The following FANCI variants were observed in gnomAD, a reference collection of about 807,000 sequenced individuals.
FANCI encodes Fanconi anemia group I protein.
Under a neutral mutation model 176.1 loss-of-function variants are expected in FANCI, and 156 were observed. The ratio of observed to expected loss-of-function variants is 0.89; its 90% CI spans 0.78 to 1.01. The LOEUF (loss-of-function observed/expected upper bound fraction) is 1.01. Ranked by LOEUF, FANCI falls within the 50% of genes least tolerant of loss-of-function variation. The pLI, the probability that FANCI is intolerant of heterozygous loss-of-function variation, is 0.00. For synonymous variants in FANCI, 613 were observed against 541.7 expected (o/e 1.13, Z -1.83); for missense variants, 1,678 against 1,534.1 (o/e 1.09, Z -1.57).
At chr15:89,276,649 G>A in intron 12 of FANCI, 62 bp from the exon 13 acceptor site, 1 of 1,574,650 alleles carries the variant, frequency 6.4e-7, no homozygotes, top group Non-Finnish European at 8.7e-7. Flanking sequence ...AGGGCAATGA[G>A]TATAAAGGTA....
chr15:89,293,119 A>G lies in FANCI; in HGVS notation c.2291+56A>G, dbSNP rs190527204. Reference sequence around the variant, plus strand: ...TTGATGAATTCTCCATTTTATTTACATATTTTTACTGTAGCAGTATTCTAG... The same window carrying G: ...TTGATGAATTCTCCATTTTATTTACGTATTTTTACTGTAGCAGTATTCTAG... On this transcript the variant is annotated intron_variant, in intron 22 of 37. Transcript: ENST00000310775. 35 of 1,585,410 alleles carry G rather than the reference A, an allele frequency of 2.2e-5. No individual in the cohort carries two copies. The African/African-American group carries it at 2.3e-4, about 10-fold the overall frequency.
chr15:89,278,591 A>G, intron 13 of FANCI, 96 bp from the exon 14 acceptor site: 2 of 851,104 alleles, frequency 2.3e-6, no homozygotes, highest in Non-Finnish European at 4.0e-6. Flanking sequence ...AGTTTTACTC[A>G]TATCCAAACG....
intron 11 of FANCI, 42 bp downstream of exon 11, chr15:89,273,511 TAAAAAAAA>T (rs34985075): frequency 1.8e-4 from 84 of 476,730 alleles, no homozygotes; most frequent in African/African-American, 9.5e-4. Context: ...CTGTAGTTGG[TAAAAAAAA>T]AAAAAAAAAA....
chr15:89,313,885 C>G (rs1463462669), intron 35 of FANCI, among the ~76,000 whole-genome samples: 1 of 145,348 alleles, frequency 6.9e-6, no homozygotes, highest in South Asian at 2.2e-4. Context: ...GTACAGTATC[C>G]TCATGGGTTA....
At chr15:89,269,299 C>G (rs899843235) in intron 10 of FANCI, among the ~76,000 whole-genome samples, 1 of 152,122 alleles carries the variant, frequency 6.6e-6, no homozygotes, top group African/African-American at 2.4e-5. Flanking sequence ...ATCACAATAC[C>G]ATCATCACAT....
intron 12 of FANCI, among the ~76,000 whole-genome samples, chr15:89,274,692 C>A (rs2053340256): frequency 6.9e-6 from 1 of 145,106 alleles, no homozygotes; most frequent in African/African-American, 2.7e-5. Context: ...GCACCCTTGA[C>A]CTCCTGGGCT....
At chr15:89,261,429 G>A (rs972526509) in intron 4 of FANCI, among the ~76,000 whole-genome samples, 156 bp from the exon 5 acceptor site, 8 of 152,130 alleles carry the variant, frequency 5.3e-5, no homozygotes, top group South Asian at 2.1e-4. Context: ...TTATAACTAC[G>A]TACCAGACAG....
chr15:89,267,876 A>G lies in FANCI; in HGVS notation c.756-523A>G, dbSNP rs190193920. On this transcript the variant is annotated intron_variant, in intron 9 of 37. Coordinates refer to ENST00000310775, the MANE Select transcript of FANCI (RefSeq NM_001113378.2). ...TGGGAGGTTGAGGCCACAGTGAGCT[A>G]TGATCATGCCATTGCACACCAGCCT... is the stretch of plus-strand genomic sequence containing the variant. Among the ~76,000 whole-genome samples the G allele has an allele frequency of 1.1e-3, 172 of 152,284 alleles. 1 individual carries two copies. Among genetic ancestry groups the G allele is most frequent in the Admixed American group, 2.1e-3 (32 of 15,298 alleles).
intron 27 of FANCI, among the ~76,000 whole-genome samples, chr15:89,303,636 T>A (rs1243432285): frequency 6.6e-6 from 1 of 152,200 alleles, no homozygotes; most frequent in African/African-American, 2.4e-5. Flanking sequence ...CTTTTGGACC[T>A]CAGTAAGGAC....
intron 14 of FANCI, among the ~76,000 whole-genome samples, chr15:89,279,764 T>C (rs557133072): frequency 1.1e-4 from 17 of 152,208 alleles, no homozygotes; most frequent in African/African-American, 3.9e-4. Flanking sequence ...CAAACACAAG[T>C]TCTGTCATTT....
Position 89,316,910 on chromosome 15 carries a change from T to C in FANCI, c.*451T>C. 1.0e-6 allele frequency: 1 copy of C among 989,048 alleles called. No individual in the cohort carries two copies. The highest frequency in any genetic ancestry group is 1.3e-5 in the South Asian group (1 of 78,068). 61.3% of individuals were successfully genotyped at this position (989,048 alleles called of 1,614,324 possible). ...AGAAGTGAGCAAAGGAGCTTAATGC[T>C]AAGGTCAAAAGGAGAGTGAAAGGTT... is the stretch of plus-strand genomic sequence containing the variant. On this transcript the variant is annotated 3_prime_UTR_variant, in exon 38 of 38. Coordinates refer to ENST00000310775, the MANE Select transcript of FANCI (RefSeq NM_001113378.2).
At chr15:89,252,259 C>G (rs1483385960) in intron 2 of FANCI, among the ~76,000 whole-genome samples, 1 of 150,402 alleles carries the variant, frequency 6.6e-6, no homozygotes, top group Non-Finnish European at 1.5e-5. Context: ...CAGATTGCAC[C>G]ATTGCACTTC....
At chr15:89,292,645 A>G (rs372702263) in intron 20 of FANCI, 43 bp from the exon 21 acceptor site, 1 of 1,586,406 alleles carries the variant, frequency 6.3e-7, no homozygotes, top group Non-Finnish European at 8.6e-7. Context: ...TAAGTTATCC[A>G]TCAACACTCA....
Position 89,281,753 on chromosome 15 carries a change from A to AT in FANCI, c.1513-10dup, listed in dbSNP as rs753323205. ...AAACTTGTTCTGTTTTTACCCACTG[A>AT]TTCTTTTTCAGCCCCTTCTCAAAGT... On this transcript the variant is annotated splice_polypyrimidine_tract_variant and intron_variant, in intron 15 of 37. Coordinates refer to ENST00000310775, the MANE Select transcript of FANCI (RefSeq NM_001113378.2). The AT allele has an allele frequency of 1.9e-6, 3 of 1,613,584 alleles. No individual in the cohort carries two copies. Among genetic ancestry groups the AT allele is most frequent in the Non-Finnish European group, 2.5e-6 (3 of 1,179,700 alleles).
Position 89,283,206 on chromosome 15 carries a change from A to AGGCCGGGCGCGGTGGCTCAC in FANCI, c.1655_1656insGCCGGGCGCGGTGGCTCACG (p.Ser552ArgfsTer47). ...CCTGAAGAACTTTAAAGTTTTAGGC[A>AGGCCGGGCGCGGTGGCTCAC]GCCTGTCATCCTCTCAGTGCAGTCA... On this transcript the variant is annotated frameshift_variant, in exon 17 of 38. Transcript: ENST00000310775. LOFTEE classifies it high-confidence loss of function. 6.2e-7 allele frequency: 1 copy of AGGCCGGGCGCGGTGGCTCAC among 1,614,188 alleles called. No homozygotes were observed. Among genetic ancestry groups the AGGCCGGGCGCGGTGGCTCAC allele is most frequent in the African/African-American group, 1.3e-5 (1 of 75,062 alleles).
intron 9 of FANCI, among the ~76,000 whole-genome samples, chr15:89,266,697 C>A (rs369611525): frequency 6.6e-6 from 1 of 151,108 alleles, no homozygotes; most frequent in South Asian, 2.1e-4. Context: ...TGGTCTTGAA[C>A]TCCTAGCTTC....
intron 19 of FANCI, chr15:89,290,605 C>A: frequency 3.7e-6 from 1 of 267,268 alleles, no homozygotes; most frequent in Non-Finnish European, 7.3e-6. Flanking sequence ...AAAAAGAAAT[C>A]CAAAACAAAT....
chr15:89,291,698 C>G lies in FANCI; in HGVS notation c.1976C>G (p.Ser659Cys), dbSNP rs776139524. The G allele has an allele frequency of 6.2e-7, 1 of 1,613,264 alleles. No individual in the cohort carries two copies. Among genetic ancestry groups the G allele is most frequent in the African/African-American group, 1.3e-5 (1 of 74,902 alleles). Reference sequence around the variant, plus strand: ...ATTCTGACCCAAGGAGATAAGATCTCTCTACAAGAACCACTGGTGAGACTT... The same window carrying G: ...ATTCTGACCCAAGGAGATAAGATCTGTCTACAAGAACCACTGGTGAGACTT... ...ACILTQGDKI[S>C]LQEPLDYLLC... The change falls in exon 20 of 38, where the codon TCT (serine) becomes TGT (cysteine). Residue 659 changes from serine to cysteine, a missense_variant. Ser to Cys is a moderately radical substitution (Grantham distance 112). This residue lies in a region of FANCI where 1,204 missense variants were observed against 1,077.4 expected (regional missense o/e 1.12). Transcript: ENST00000310775.
At position 89,263,484 on chromosome 15, in the gene FANCI, C is replaced by T. The variant is rs777386597; in HGVS notation, c.545+24C>T. ...AAGTAAGCATCATCTTTTCCCTTTT[C>T]TTTGTGTATCCTGCTTTGTGAACTT... On this transcript the variant is annotated intron_variant, in intron 7 of 37. Transcript: ENST00000310775. 4.2e-5 allele frequency: 67 copies of T among 1,590,962 alleles called. 3 individuals carry two copies. The South Asian group carries it at 5.4e-4, about 13-fold the overall frequency.
Sources: gnomAD v4.1 joint callset for allele counts (sites outside exome capture counted in the v4.1 genomes callset) on GRCh38, gnomAD v4.1.1 for gene constraint, gnomAD v4.1.1 regional missense constraint, MANE v1.5 for transcripts, NCBI Gene and HGNC (gene_info 2026-07-23, HGNC 2026-07-21) for gene names.